Variants in OPRM1 observed in about 807,000 individuals in gnomAD.
The protein encoded by OPRM1 is opioid receptor mu 1.
Under a neutral mutation model 31.8 loss-of-function variants are expected in OPRM1, and 27 were observed. That is an observed-to-expected ratio of 0.85 (90% CI 0.63 to 1.17). OPRM1 has a LOEUF of 1.17. Among genes scored for constraint, OPRM1 ranks in the 50% most tolerant of loss-of-function variants. The probability of loss-of-function intolerance (pLI) is 0.00; values close to 1 mark genes in which losing one functional copy is unlikely to be tolerated. For missense variants in OPRM1, 536 were observed against 511.1 expected, an observed-to-expected ratio of 1.05 and a Z score of -0.47; for synonymous variants, 196 against 189.9, an observed-to-expected ratio of 1.03 and a Z score of -0.26.
chr6:154,144,545 G>A (rs1176126205), intron 3 of OPRM1, among the ~76,000 whole-genome samples: 6 of 151,908 alleles, frequency 3.9e-5, no homozygotes, highest in African/African-American at 1.2e-4. Flanking sequence ...TCAGGAGTTC[G>A]AGACCAGCCT....
rs1327136811 is a variant in OPRM1, at chr6:154,123,491, A to G, written c.*4770A>G. On this transcript the variant is annotated 3_prime_UTR_variant, in exon 4 of 4. Coordinates refer to ENST00000330432, the MANE Select transcript of OPRM1 (RefSeq NM_000914.5). The stretch of plus-strand genomic sequence containing the variant: ...GAGGACTAGTCTTAGCTGTTTACCT[A>G]ACTGATTGGTCCTTTTCTTCTCCCT... 1.3e-5 allele frequency among the ~76,000 whole-genome samples: 2 copies of G among 152,148 alleles called. No homozygotes were observed. Among genetic ancestry groups the G allele is most frequent in the African/African-American group, 4.8e-5 (2 of 41,430 alleles).
intron 3 of OPRM1, among the ~76,000 whole-genome samples, chr6:154,098,834 A>T (rs188157625): frequency 1.3e-5 from 2 of 152,296 alleles, no homozygotes; most frequent in East Asian, 3.9e-4. Flanking sequence ...TCTTATTGAT[A>T]ATTTTCCTTT....
chr6:154,178,171 G>A (rs534816921), intron 3 of OPRM1, among the ~76,000 whole-genome samples: 69 of 152,198 alleles, frequency 4.5e-4, no homozygotes, highest in Non-Finnish European at 8.4e-4. Flanking sequence ...GATAGCGTTA[G>A]GAGAAATACC....
chr6:154,102,918 C>CAAAAAAAAAAAAAAAAAA (rs58694186), intron 3 of OPRM1, among the ~76,000 whole-genome samples: 1 of 80,798 alleles, frequency 1.2e-5, no homozygotes, highest in Non-Finnish European at 2.9e-5. Flanking sequence ...TAACCAGTTG[C>CAAAAAAAAAAAAAAAAAA]AAAAAAAAAA....
chr6:154,217,730 T>C (rs181117092), intron 3 of OPRM1, among the ~76,000 whole-genome samples: 24 of 152,162 alleles, frequency 1.6e-4, no homozygotes, highest in African/African-American at 5.6e-4. Flanking sequence ...AATACCACAA[T>C]AACAATTTTT....
intron 3 of OPRM1, among the ~76,000 whole-genome samples, chr6:154,238,541 T>C (rs112843504): frequency 1.3e-5 from 2 of 152,216 alleles, no homozygotes; most frequent in African/African-American, 4.8e-5. Flanking sequence ...GCTGGGATCA[T>C]AGGCATGAGC....
intron 1 of OPRM1, among the ~76,000 whole-genome samples, chr6:154,016,828 G>C (rs1778030344): frequency 6.6e-6 from 1 of 152,236 alleles, no homozygotes; most frequent in Non-Finnish European, 1.5e-5. Context: ...AGCAGAAAGA[G>C]ACGGAGTCTG....
chr6:154,155,400 T>G (rs1033667837), intron 3 of OPRM1: 1 of 152,224 alleles, frequency 6.6e-6, no homozygotes, highest in Non-Finnish European at 1.5e-5. Context: ...GGATATCATA[T>G]TCTTGTTAGA....
intron 3 of OPRM1, chr6:154,199,573 T>G: frequency 7.4e-7 from 1 of 1,344,310 alleles, no homozygotes; most frequent in Non-Finnish European, 1.0e-6. Context: ...TCATCATTCA[T>G]GAGTTTAACC....
chr6:154,181,779 G>A (rs1179821806), intron 3 of OPRM1, among the ~76,000 whole-genome samples: 1 of 152,136 alleles, frequency 6.6e-6, no homozygotes, highest in African/African-American at 2.4e-5. Flanking sequence ...CAGCAATCTA[G>A]GACACAAACC....
intron 3 of OPRM1, among the ~76,000 whole-genome samples, chr6:154,234,085 G>A (rs183324675): frequency 6.6e-6 from 1 of 152,158 alleles, no homozygotes; most frequent in Non-Finnish European, 1.5e-5. Flanking sequence ...ATGTGCACCT[G>A]TGGCCTCAAT....
intron 3 of OPRM1, chr6:154,107,848 A>C: frequency 1.4e-6 from 1 of 703,318 alleles, no homozygotes; most frequent in East Asian, 2.7e-5. Context: ...AGTATCCCTC[A>C]ACACAGAAAA....
At chr6:154,227,092 G>A (rs1779311900) in intron 3 of OPRM1, among the ~76,000 whole-genome samples, 1 of 151,948 alleles carries the variant, frequency 6.6e-6, no homozygotes, top group African/African-American at 2.4e-5. Context: ...CAGCTACTTG[G>A]GAGGCTGAGG....
At chr6:154,024,968 G>A (rs995273899) in intron 1 of OPRM1, among the ~76,000 whole-genome samples, 1 of 151,932 alleles carries the variant, frequency 6.6e-6, no homozygotes, top group Non-Finnish European at 1.5e-5. Flanking sequence ...CCTTGAGAAT[G>A]CTTCATGTGC....
intron 3 of OPRM1, among the ~76,000 whole-genome samples, chr6:154,186,741 A>G (rs1801401142): frequency 6.6e-6 from 1 of 151,990 alleles, no homozygotes. Context: ...TATTTTTAGT[A>G]GAGAGGGGGT....
At chr6:154,062,184 A>C (rs1784558160) in intron 1 of OPRM1, among the ~76,000 whole-genome samples, 1 of 152,182 alleles carries the variant, frequency 6.6e-6, no homozygotes, top group East Asian at 1.9e-4. Context: ...AAATATAATT[A>C]ATCATATGAA....
At chr6:154,026,169 T>A (rs183014990) in intron 1 of OPRM1, among the ~76,000 whole-genome samples, 98 of 152,270 alleles carry the variant, frequency 6.4e-4, no homozygotes, top group African/African-American at 2.2e-3. Context: ...TGGGAAAGTC[T>A]TTATTTCTCC....
intron 3 of OPRM1, among the ~76,000 whole-genome samples, chr6:154,148,321 A>T (rs900429235): frequency 6.6e-6 from 1 of 152,222 alleles, no homozygotes; most frequent in Admixed American, 6.5e-5. Context: ...AAGCTAATCA[A>T]GTTGCCAACA....
intron 1 of OPRM1, among the ~76,000 whole-genome samples, chr6:154,013,781 C>G (rs1251131744): frequency 1.3e-5 from 2 of 152,074 alleles, no homozygotes; most frequent in African/African-American, 2.4e-5. Context: ...GTATGTGTCT[C>G]CACCTCCAGC....
Sources: allele counts gnomAD v4.1 joint callset (sites outside exome capture counted in the v4.1 genomes callset), GRCh38; gene constraint gnomAD v4.1.1; transcripts MANE v1.5; gene names NCBI Gene and HGNC (gene_info 2026-07-23, HGNC 2026-07-21).